Variants in TBCCD1 observed in about 807,000 individuals in gnomAD.
TBCCD1 encodes the protein TBCC domain-containing protein 1.
In TBCCD1, 26 loss-of-function variants were observed where a neutral mutation model predicts 53.4. That is an observed-to-expected ratio of 0.49 (90% confidence interval 0.36 to 0.68). The LOEUF is 0.68. Among genes scored for constraint, TBCCD1 ranks in the 30% least tolerant of loss-of-function variants. The pLI is 0.00. For synonymous variants in TBCCD1, 245 were observed against 241.7 expected (o/e 1.01, Z -0.13); for missense variants, 558 against 669.5 (o/e 0.83, Z 1.84).
At chr3:186,564,480 T>C (rs1714772464) in intron 1 of TBCCD1, 108 bp from the exon 2 acceptor site, 1 of 683,562 alleles carries the variant, frequency 1.5e-6, no homozygotes. Context: ...TACTACATCA[T>C]CATCTTAAAA....
intron 3 of TBCCD1, among the ~76,000 whole-genome samples, chr3:186,558,013 T>C (rs7619481): frequency 0.025 from 3,843 of 152,362 alleles, 155 homozygotes; most frequent in African/African-American, 0.087. Flanking sequence ...GGTTGTCACG[T>C]ATGTAATTAC....
chr3:186,568,717 A>G (rs1714907474), upstream of TBCCD1, among the ~76,000 whole-genome samples: 1 of 152,168 alleles, frequency 6.6e-6, no homozygotes, highest in Non-Finnish European at 1.5e-5. Flanking sequence ...CCTGGCCAAC[A>G]TGGTTAAACC....
Position 186,554,809 on chromosome 3 carries a change from A to T in TBCCD1, c.1047-58T>A, listed in dbSNP as rs533937256. On this transcript the variant is annotated intron_variant, in intron 5 of 7. Transcript: ENST00000338733. ...TGAATAAGATTTTAAAAATTTGACTAAAATATTATTATCTGATGGCAAAAA... is the reference window on the plus strand; with the variant it reads ...TGAATAAGATTTTAAAAATTTGACTTAAATATTATTATCTGATGGCAAAAA... 16 of 1,592,358 alleles carry T rather than the reference A, an allele frequency of 1.0e-5. No homozygotes were observed. In the African/African-American group the frequency reaches 2.0e-4, roughly 20 times the overall value.
rs766283838 is a variant in TBCCD1, at chr3:186,554,719, A to G, written c.1079T>C (p.Ile360Thr). Residue 360 changes from isoleucine to threonine, a missense_variant, in exon 6 of 8, where the codon ATC (isoleucine) becomes ACC (threonine). Transcript: ENST00000338733. Reference sequence around the variant, plus strand: ...AGTCCCTACAGGGCCCAAGACAAAGATGCTATTCCTGCACTTCTCAATTGT... The same window carrying G: ...AGTCCCTACAGGGCCCAAGACAAAGGTGCTATTCCTGCACTTCTCAATTGT... The part of the protein sequence containing the change: ...SVTIEKCRNS[I>T]FVLGPVGTTL... 1 of 1,614,144 alleles carries G rather than the reference A, an allele frequency of 6.2e-7. No homozygotes were observed. The highest frequency in any genetic ancestry group is 8.5e-7 in the Non-Finnish European group (1 of 1,180,008).
chr3:186,567,597 G>C (rs1480910496), upstream of TBCCD1: 1 of 152,258 alleles, frequency 6.6e-6, no homozygotes, highest in South Asian at 2.1e-4. Flanking sequence ...ATAGCTGCTG[G>C]TAAGATCAGC....
intron 7 of TBCCD1, among the ~76,000 whole-genome samples, chr3:186,550,664 T>C (rs934541962): frequency 6.6e-6 from 1 of 152,210 alleles, no homozygotes; most frequent in Non-Finnish European, 1.5e-5. Context: ...TTCTCTTCTA[T>C]TTAATCCATG....
At chr3:186,564,495 G>C in intron 1 of TBCCD1, 123 bp from the exon 2 acceptor site, 1 of 609,972 alleles carries the variant, frequency 1.6e-6, no homozygotes, top group Non-Finnish European at 2.7e-6. Context: ...TTAAAAGGCA[G>C]CTCTAGTTCA....
At chr3:186,553,911 G>A (rs1319928213) in intron 6 of TBCCD1, among the ~76,000 whole-genome samples, 3 of 151,680 alleles carry the variant, frequency 2.0e-5, no homozygotes, top group Non-Finnish European at 1.5e-5. Flanking sequence ...GCAATGGCAC[G>A]ATCTTGGCTC....
intron 7 of TBCCD1, 48 bp downstream of exon 7, chr3:186,551,081 T>C: frequency 6.4e-7 from 1 of 1,564,652 alleles, no homozygotes; most frequent in Non-Finnish European, 8.6e-7. Context: ...TTTTTATGCT[T>C]GAAAGATTTC....
rs140335316 is a variant in TBCCD1 at position 186,565,714 on chromosome 3, G to A, written c.-43-1342C>T. Among the ~76,000 whole-genome samples, 71 of 152,310 alleles carry A rather than the reference G, an allele frequency of 4.7e-4. 2 individuals carry two copies. In the East Asian group the frequency reaches 0.012, roughly 25 times the overall value. On this transcript the variant is annotated intron_variant, in intron 1 of 7. Transcript: ENST00000338733. ...CAAAAGTTCAAATGTTGTCACAAGT[G>A]TAAATAATGCTATCACTACCATCTT...
chr3:186,547,319 G>A (rs1276208418), intron 7 of TBCCD1, among the ~76,000 whole-genome samples: 2 of 151,076 alleles, frequency 1.3e-5, no homozygotes, highest in East Asian at 3.9e-4. Context: ...ATACAGCAGT[G>A]CAATCATAGC....
At chr3:186,560,035 C>T (rs1055727249) in intron 2 of TBCCD1, among the ~76,000 whole-genome samples, 1 of 152,134 alleles carries the variant, frequency 6.6e-6, no homozygotes, top group African/African-American at 2.4e-5. Flanking sequence ...TAGTATGTAA[C>T]CTCTTGGGAT....
At chr3:186,569,154 A>G (rs1714930465), upstream of TBCCD1, among the ~76,000 whole-genome samples, 1 of 152,044 alleles carries the variant, frequency 6.6e-6, no homozygotes, top group African/African-American at 2.4e-5. Flanking sequence ...AAAGAAAGGA[A>G]GCAAGTTTTG....
upstream of TBCCD1, chr3:186,567,412 C>A (rs1240670993): frequency 1.3e-5 from 2 of 152,222 alleles, no homozygotes; most frequent in East Asian, 1.9e-4. Context: ...CGAGACCTGG[C>A]GGACCCCGTT....
chr3:186,566,597 T>C (rs1714839373), intron 1 of TBCCD1, among the ~76,000 whole-genome samples: 1 of 152,230 alleles, frequency 6.6e-6, no homozygotes. Flanking sequence ...CAGGTCTGAC[T>C]TGAGAACTGC....
At chr3:186,560,134 G>A (rs999420520) in intron 2 of TBCCD1, among the ~76,000 whole-genome samples, 1 of 137,428 alleles carries the variant, frequency 7.3e-6, no homozygotes, top group Non-Finnish European at 1.6e-5. Flanking sequence ...TTTCTTCATG[G>A]AGACTATAGG....
chr3:186,556,920 G>A (rs905224258), intron 3 of TBCCD1, 145 bp from the exon 4 acceptor site: 18 of 978,188 alleles, frequency 1.8e-5, no homozygotes, highest in Middle Eastern at 3.3e-4. Flanking sequence ...AAGGTGATCC[G>A]CCCGGCTTGG....
intron 6 of TBCCD1, among the ~76,000 whole-genome samples, 194 bp downstream of exon 6, chr3:186,554,060 C>T (rs1407921464): frequency 3.3e-5 from 5 of 152,178 alleles, no homozygotes; most frequent in East Asian, 1.9e-4. Flanking sequence ...GTTGGCTAGG[C>T]TGGTCTCAAA....
chr3:186,569,041 G>C (rs1180201829), upstream of TBCCD1, among the ~76,000 whole-genome samples: 1 of 152,044 alleles, frequency 6.6e-6, no homozygotes, highest in East Asian at 1.9e-4. Context: ...AGTTAAAGAA[G>C]GAATCACCCA....
Sources: allele counts gnomAD v4.1 joint callset (sites outside exome capture counted in the v4.1 genomes callset), GRCh38; gene constraint gnomAD v4.1.1; transcripts MANE v1.5; gene names NCBI Gene and HGNC (gene_info 2026-07-23, HGNC 2026-07-21).